PTPRD: variants seen among roughly 807,000 people sequenced by gnomAD.
PTPRD encodes the protein receptor-type tyrosine-protein phosphatase delta.
PTPRD carries 34 observed loss-of-function variants against 214.5 expected under a neutral mutation model. The observed-to-expected ratio is 0.16, with a 90% confidence interval of 0.12 to 0.21. The LOEUF (loss-of-function observed/expected upper bound fraction) is 0.21, where lower values mean the gene tolerates loss of function less well. PTPRD is among the 10% of genes least tolerant of loss of function. The pLI, the probability that PTPRD is intolerant of heterozygous loss-of-function variation, is 1.00. For synonymous variants in PTPRD, 1,128 were observed against 845.7 expected, an observed-to-expected ratio of 1.33 and a Z score of -5.79; for missense variants, 2,545 against 2,398.7, an observed-to-expected ratio of 1.06 and a Z score of -1.27.
At chr9:8,345,363 T>G (rs945922510) in intron 39 of PTPRD, among the ~76,000 whole-genome samples, 1 of 152,108 alleles carries the variant, frequency 6.6e-6, no homozygotes, top group East Asian at 1.9e-4. Context: ...TTTAGCACCC[T>G]GTTCCCAGCA....
intron 6 of PTPRD, among the ~76,000 whole-genome samples, chr9:9,743,643 G>A (rs2098426635): frequency 6.6e-6 from 1 of 151,002 alleles, no homozygotes; most frequent in African/African-American, 2.4e-5. Flanking sequence ...ACCTTTAACT[G>A]TCATGTTAAG....
chr9:9,122,615 C>T (rs1032452544), intron 10 of PTPRD, among the ~76,000 whole-genome samples: 9 of 152,202 alleles, frequency 5.9e-5, no homozygotes, highest in African/African-American at 2.2e-4. Context: ...GTCCTCCCAT[C>T]TTGAAATGCT....
chr9:8,790,014 AC>A (rs1205481198), intron 11 of PTPRD, among the ~76,000 whole-genome samples: 6 of 152,044 alleles, frequency 3.9e-5, no homozygotes, highest in Non-Finnish European at 8.8e-5. Flanking sequence ...TTATTTATTT[AC>A]TTGCCTTTTT....
chr9:8,925,157 C>A (rs9644893), intron 11 of PTPRD, among the ~76,000 whole-genome samples: 97,813 of 151,898 alleles, frequency 0.64, 31,769 homozygotes, highest in East Asian at 0.76. Flanking sequence ...GTAATCTAAT[C>A]TACTCCCTGA....
intron 10 of PTPRD, among the ~76,000 whole-genome samples, chr9:9,032,347 A>T (rs2099608279): frequency 6.6e-6 from 1 of 152,108 alleles, no homozygotes; most frequent in Non-Finnish European, 1.5e-5. Flanking sequence ...AGCTCTCAGC[A>T]CTGACACCAG....
At chr9:10,250,216 T>C (rs2092643114) in intron 3 of PTPRD, among the ~76,000 whole-genome samples, 1 of 152,148 alleles carries the variant, frequency 6.6e-6, no homozygotes, top group African/African-American at 2.4e-5. Context: ...CTGATAAAAG[T>C]GACTATAAAA....
chr9:9,364,754 A>G (rs550697135), intron 9 of PTPRD, among the ~76,000 whole-genome samples: 22 of 151,644 alleles, frequency 1.5e-4, no homozygotes, highest in African/African-American at 4.6e-4. Flanking sequence ...TTGTGGCTTT[A>G]TTCTTAGTGA....
chr9:9,044,507 T>C (rs2099664597), intron 10 of PTPRD, among the ~76,000 whole-genome samples: 1 of 152,198 alleles, frequency 6.6e-6, no homozygotes, highest in South Asian at 2.1e-4. Context: ...TGCTTGCTCA[T>C]TTTGTGAACA....
intron 2 of PTPRD, among the ~76,000 whole-genome samples, chr9:10,491,084 C>T (rs1234362395): frequency 1.3e-5 from 2 of 152,148 alleles, no homozygotes; most frequent in Non-Finnish European, 2.9e-5. Context: ...AGTTGAACTG[C>T]CTTGTTCACA....
At chr9:10,506,009 C>T (rs956468906) in intron 2 of PTPRD, among the ~76,000 whole-genome samples, 1 of 152,060 alleles carries the variant, frequency 6.6e-6, no homozygotes, top group Non-Finnish European at 1.5e-5. Flanking sequence ...TCACATTTCT[C>T]CCAAGATGGT....
chr9:10,254,977 C>A (rs1002912001), intron 3 of PTPRD, among the ~76,000 whole-genome samples: 3 of 152,160 alleles, frequency 2.0e-5, no homozygotes, highest in Non-Finnish European at 2.9e-5. Flanking sequence ...TGTATAAAAT[C>A]TCTTGCTTTT....
Position 8,648,803 on chromosome 9 carries a change from A to G in PTPRD, c.65-11959T>C, listed in dbSNP as rs956304456. Among the ~76,000 whole-genome samples, 6 of 152,326 alleles carry G rather than the reference A, an allele frequency of 3.9e-5. 1 individual carries two copies. The highest frequency in any genetic ancestry group is 1.9e-4 in the East Asian group (1 of 5,186). Reference sequence around the variant, plus strand: ...TCAGGAAGCCATTTAATATAGACACACTATTTGACCAAAAAGAACCTCTAC... The same window carrying G: ...TCAGGAAGCCATTTAATATAGACACGCTATTTGACCAAAAAGAACCTCTAC... On this transcript the variant is annotated intron_variant, in intron 12 of 45. Transcript: ENST00000381196.
intron 2 of PTPRD, among the ~76,000 whole-genome samples, chr9:10,415,307 C>A (rs1273732429): frequency 6.6e-6 from 1 of 151,430 alleles, no homozygotes; most frequent in Non-Finnish European, 1.5e-5. Context: ...ATGTCTTATA[C>A]ACACACACAC....
At position 10,050,718 on chromosome 9, in the gene PTPRD, G is replaced by C. The variant is rs959590567; in HGVS notation, c.-544-16928C>G. Among the ~76,000 whole-genome samples the C allele has an allele frequency of 1.8e-4, 27 of 151,164 alleles. 1 individual carries two copies. Among genetic ancestry groups the C allele is most frequent in the Admixed American group, 1.8e-3 (27 of 15,150 alleles). ...TGATTATCTAATAAACCAACAATAA[G>C]ACAAATATCCATGGAACTCTCCCAA... On this transcript the variant is annotated intron_variant, in intron 3 of 45. Transcript: ENST00000381196.
intron 12 of PTPRD, among the ~76,000 whole-genome samples, chr9:8,658,089 A>G (rs539567130): frequency 4.8e-4 from 73 of 152,294 alleles, no homozygotes; most frequent in African/African-American, 1.7e-3. Flanking sequence ...AATTGAGAGA[A>G]TAATGCAGAA....
intron 10 of PTPRD, among the ~76,000 whole-genome samples, chr9:9,030,763 T>C (rs889344618): frequency 3.9e-5 from 6 of 151,924 alleles, no homozygotes; most frequent in African/African-American, 1.4e-4. Context: ...TTCAACAAGG[T>C]GCTAAGATAC....
intron 11 of PTPRD, among the ~76,000 whole-genome samples, chr9:8,941,363 T>C (rs1001092809): frequency 2.6e-5 from 4 of 152,160 alleles, no homozygotes; most frequent in Admixed American, 2.6e-4. Context: ...AATACACATA[T>C]ACACTATATA....
intron 8 of PTPRD, among the ~76,000 whole-genome samples, chr9:9,514,408 A>G (rs1227077217): frequency 1.3e-5 from 2 of 152,124 alleles, no homozygotes; most frequent in Non-Finnish European, 2.9e-5. Flanking sequence ...GTAAAACACT[A>G]AACAGAAAGA....
chr9:9,519,088 A>C (rs1170712610), intron 8 of PTPRD, among the ~76,000 whole-genome samples: 1 of 152,054 alleles, frequency 6.6e-6, no homozygotes, highest in East Asian at 1.9e-4. Context: ...GCAAATTAAA[A>C]TACTTCTATA....
Sources: allele counts gnomAD v4.1 joint callset (sites outside exome capture counted in the v4.1 genomes callset), GRCh38; gene constraint gnomAD v4.1.1; transcripts MANE v1.5; gene names NCBI Gene and HGNC (gene_info 2026-07-23, HGNC 2026-07-21).